Variants in SPIC observed in about 807,000 individuals in gnomAD.
SPIC encodes Spi-C transcription factor.
Under a neutral mutation model 16.7 loss-of-function variants are expected in SPIC, and 9 were observed. The observed-to-expected ratio is 0.54, with a 90% CI of 0.33 to 0.94. The LOEUF (loss-of-function observed/expected upper bound fraction) is 0.94, where lower values mean the gene tolerates loss of function less well. SPIC is among the 40% of genes least tolerant of loss of function. SPIC has a pLI of 0.03. For synonymous variants in SPIC, 97 were observed against 102.9 expected, an observed-to-expected ratio of 0.94 and a Z score of 0.35; for missense variants, 241 against 285.8, an observed-to-expected ratio of 0.84 and a Z score of 1.13.
At position 101,486,044 on chromosome 12, in the gene SPIC, G is replaced by T. The variant is rs540099574; in HGVS notation, c.320-300G>T. Reference sequence around the variant, plus strand: ...GTGAACTCCTGACCTCAAGTGATCCGCCCTCCTCGGCCTCCCAAAGTGCTG... The same window carrying T: ...GTGAACTCCTGACCTCAAGTGATCCTCCCTCCTCGGCCTCCCAAAGTGCTG... On this transcript the variant is annotated intron_variant, in intron 5 of 5. Transcript: ENST00000551346. Among the ~76,000 whole-genome samples, 765 of 152,212 alleles carry T rather than the reference G, an allele frequency of 5.0e-3. 5 individuals carry two copies. Among genetic ancestry groups the T allele is most frequent in the African/African-American group, 0.018 (731 of 41,550 alleles).
intron 3 of SPIC, among the ~76,000 whole-genome samples, chr12:101,479,204 G>GAA (rs1873069307): frequency 1.7e-5 from 2 of 116,776 alleles, no homozygotes; most frequent in African/African-American, 6.2e-5. Flanking sequence ...AAGAAAGAAA[G>GAA]AAAGAAAGAA....
At chr12:101,479,834 T>G in intron 4 of SPIC, 140 bp downstream of exon 4, 1 of 544,380 alleles carries the variant, frequency 1.8e-6, no homozygotes, top group Non-Finnish European at 3.1e-6. Context: ...TTTTTTTTTT[T>G]GAGATGGAGT....
chr12:101,482,835 C>T lies in SPIC; in HGVS notation c.254C>T (p.Ser85Phe), dbSNP rs1476800945. 6.2e-7 allele frequency: 1 copy of T among 1,613,898 alleles called. No individual in the cohort carries two copies. The highest frequency in any genetic ancestry group is 8.5e-7 in the Non-Finnish European group (1 of 1,179,988). ...DFYFEGNIHQ[S>F]LQNITENQLV... Reference sequence around the variant, plus strand: ...TATTTTGAAGGAAATATTCATCAATCTCTGCAGAACATAACTGAAAACCAG... The same window carrying T: ...TATTTTGAAGGAAATATTCATCAATTTCTGCAGAACATAACTGAAAACCAG... The change falls in exon 5 of 6, where the codon TCT becomes TTT. Residue 85 changes from serine (S) to phenylalanine (F), a missense_variant. Ser to Phe is a radical substitution (Grantham distance 155). Transcript: ENST00000551346.
chr12:101,481,510 A>ATT (rs72107180), intron 4 of SPIC, among the ~76,000 whole-genome samples: 2,015 of 130,214 alleles, frequency 0.015, 23 homozygotes, highest in South Asian at 0.029. Context: ...CCCACAGCTA[A>ATT]TTTTTTTTTT....
intron 3 of SPIC, among the ~76,000 whole-genome samples, chr12:101,479,212 GAAAGAAA>G (rs1873071999): frequency 3.3e-5 from 4 of 119,906 alleles, no homozygotes; most frequent in African/African-American, 1.2e-4. Context: ...AAGAAAGAAA[GAAAGAAA>G]GAAGGAAAGA....
chr12:101,486,806 G>T lies in SPIC; in HGVS notation c.*35G>T. 1 of 1,452,530 alleles carries T rather than the reference G, an allele frequency of 6.9e-7. No homozygotes were observed. The allele number at this position is 1,452,530 out of a possible 1,614,324, so 90.0% of individuals were successfully genotyped here. A position where few individuals can be genotyped will look rare whatever the true frequency, so the allele number is the denominator to read the frequency against. On this transcript the variant is annotated 3_prime_UTR_variant, in exon 6 of 6. Transcript: ENST00000551346. The stretch of plus-strand genomic sequence containing the variant: ...CATATTTCATGGTTTACTGGCATCG[G>T]AAATCTCTACAAGTTTTAATGATTT...
intron 3 of SPIC, among the ~76,000 whole-genome samples, chr12:101,479,136 TA>T (rs1161273325): frequency 0.017 from 1,156 of 69,840 alleles, 23 homozygotes; most frequent in African/African-American, 0.058. Context: ...GACCCTGTCT[TA>T]AAAAAAAAAA....
At chr12:101,479,307 A>AAAG (rs1555209048) in intron 3 of SPIC, among the ~76,000 whole-genome samples, 11 of 88,210 alleles carry the variant, frequency 1.2e-4, no homozygotes, top group African/African-American at 4.1e-4. Context: ...AAAGAAAGAA[A>AAAG]AAAGAAAGAA....
rs781680342 is a variant in SPIC, at chr12:101,482,809, C to T, written c.228C>T (p.Phe76=). The change falls in exon 5 of 6, where the codon TTC becomes TTT. Residue 76 remains phenylalanine, a synonymous_variant. Coordinates refer to ENST00000551346, the MANE Select transcript of SPIC (RefSeq NM_152323.3). ...TTATATAGAACAGTGCTGCGGACTT[C>T]TATTTTGAAGGAAATATTCATCAAT... The part of the protein sequence containing the change: ...WRTVINSAAD[F]YFEGNIHQSL... 42 of 1,613,804 alleles carry T rather than the reference C, an allele frequency of 2.6e-5. No individual in the cohort carries two copies. Among genetic ancestry groups the T allele is most frequent in the Admixed American group, 1.0e-4 (6 of 59,952 alleles).
chr12:101,475,594 T>C (rs981175514), intron 1 of SPIC, 92 bp downstream of exon 1: 5 of 152,222 alleles, frequency 3.3e-5, no homozygotes, highest in African/African-American at 1.2e-4. Flanking sequence ...GTCTGCGTGT[T>C]CAGATGCAAG....
intron 4 of SPIC, 115 bp downstream of exon 4, chr12:101,479,809 T>A (rs979296833): frequency 1.5e-6 from 1 of 667,734 alleles, no homozygotes; most frequent in African/African-American, 2.3e-5. Flanking sequence ...TGAAAATGGT[T>A]TTTTCTTTCT....
rs1565831186 is a variant in SPIC, at chr12:101,479,243, A to AG, written c.98-339_98-338insG. ...AAGAAGGAAAGAAAGAAAGAAAGAA[A>AG]AAGAAAGAAAGAAGGAAGGAAAGAA... On this transcript the variant is annotated intron_variant, in intron 3 of 5. Coordinates refer to ENST00000551346, the MANE Select transcript of SPIC (RefSeq NM_152323.3). Among the ~76,000 whole-genome samples, 329 of 37,358 alleles carry AG rather than the reference A, an allele frequency of 8.8e-3. 18 individuals carry two copies. Among genetic ancestry groups the AG allele is most frequent in the African/African-American group, 0.014 (163 of 11,258 alleles). 24.5% of individuals were successfully genotyped at this position (37,358 alleles called of 152,430 possible). A position where few individuals can be genotyped will look rare whatever the true frequency, so the allele number is the denominator to read the frequency against.
intron 4 of SPIC, among the ~76,000 whole-genome samples, chr12:101,480,202 C>G (rs1460463794): frequency 6.6e-6 from 1 of 152,162 alleles, no homozygotes; most frequent in Non-Finnish European, 1.5e-5. Flanking sequence ...GGAAATAACC[C>G]TTCATCATTG....
chr12:101,484,529 C>T (rs1873304779), intron 5 of SPIC, among the ~76,000 whole-genome samples: 1 of 149,734 alleles, frequency 6.7e-6, no homozygotes, highest in Non-Finnish European at 1.5e-5. Flanking sequence ...GAGTGAGACT[C>T]CAACTCAAAA....
chr12:101,484,878 T>TAAATA lies in SPIC; in HGVS notation c.320-1446_320-1442dup, dbSNP rs1020588174. Among the ~76,000 whole-genome samples the TAAATA allele has an allele frequency of 1.1e-3, 166 of 151,640 alleles. 1 individual carries two copies. The highest frequency in any genetic ancestry group is 3.7e-3 in the African/African-American group (154 of 41,444). On this transcript the variant is annotated intron_variant, in intron 5 of 5. Transcript: ENST00000551346. ...GCGAGACTCCATCTCCAAAAATTAA[T>TAAATA]AAATAAAATAAAATAAAATAAAATT...
intron 4 of SPIC, 32 bp from the exon 5 acceptor site, chr12:101,482,760 T>A: frequency 6.3e-7 from 1 of 1,579,198 alleles, no homozygotes; most frequent in South Asian, 1.2e-5. Context: ...AGGGAAAGTC[T>A]CACTTAACAT....
rs1246591823 is a variant in SPIC at position 101,475,488 on chromosome 12, T to A, written c.-92T>A. The A allele has an allele frequency of 1.3e-5, 2 of 152,222 alleles. No individual in the cohort carries two copies. The highest frequency in any genetic ancestry group is 2.9e-5 in the Non-Finnish European group (2 of 68,040). 9.4% of individuals were successfully genotyped at this position (152,222 alleles called of 1,614,324 possible). A position where few individuals can be genotyped will look rare whatever the true frequency, so the allele number is the denominator to read the frequency against. On this transcript the variant is annotated 5_prime_UTR_variant, in exon 1 of 6. It introduces an in-frame stop codon into an upstream open reading frame of the 5' UTR. Coordinates refer to ENST00000551346, the MANE Select transcript of SPIC (RefSeq NM_152323.3). ...TTAATGAAACATCTCTATAAAGGGTTGAAGTGTCTTCCCGGTAAGTTCTCA... is the reference window on the plus strand; with the variant it reads ...TTAATGAAACATCTCTATAAAGGGTAGAAGTGTCTTCCCGGTAAGTTCTCA...
chr12:101,476,061 C>T (rs1872948714), intron 1 of SPIC, among the ~76,000 whole-genome samples: 1 of 152,072 alleles, frequency 6.6e-6, no homozygotes, highest in Admixed American at 6.6e-5. Context: ...CGGGTAAATA[C>T]TAAGAAGATA....
intron 5 of SPIC, among the ~76,000 whole-genome samples, chr12:101,484,803 G>T (rs1873316751): frequency 6.6e-6 from 1 of 151,664 alleles, no homozygotes; most frequent in Non-Finnish European, 1.5e-5. Context: ...GGGAGGCAGA[G>T]GTTGCAGTGA....
Sources: gnomAD v4.1 joint callset for allele counts (sites outside exome capture counted in the v4.1 genomes callset) on GRCh38, gnomAD v4.1.1 for gene constraint, MANE v1.5 for transcripts, NCBI Gene and HGNC (gene_info 2026-07-23, HGNC 2026-07-21) for gene names.